FGF12: variants seen among roughly 807,000 people sequenced by gnomAD.
FGF12 encodes the protein fibroblast growth factor 12B.
Under a neutral mutation model 23.6 loss-of-function variants are expected in FGF12, and 14 were observed. The ratio of observed to expected loss-of-function variants is 0.59; its 90% CI spans 0.39 to 0.93. The LOEUF (loss-of-function observed/expected upper bound fraction) is 0.93, where lower values mean the gene tolerates loss of function less well. FGF12 is among the 40% of genes least tolerant of loss of function. The probability of loss-of-function intolerance (pLI) is 0.00; values close to 1 mark genes in which losing one functional copy is unlikely to be tolerated. For synonymous variants in FGF12, 62 were observed against 77.3 expected, an observed-to-expected ratio of 0.80 and a Z score of 1.04; for missense variants, 175 against 217.8, an observed-to-expected ratio of 0.80 and a Z score of 1.24.
At chr3:192,208,720 G>A (rs570226949) in intron 4 of FGF12, among the ~76,000 whole-genome samples, 1 of 152,182 alleles carries the variant, frequency 6.6e-6, no homozygotes, top group African/African-American at 2.4e-5. Context: ...TTTGAGGAAT[G>A]CTTTCAGAGC....
At position 192,636,408 on chromosome 3, in the gene FGF12, G is replaced by A. The variant is rs901803695; in HGVS notation, c.13+90773C>T. On this transcript the variant is annotated intron_variant, in intron 2 of 5. Transcript: ENST00000445105. Reference sequence around the variant, plus strand: ...AGCCCAGACAGAGGACATTTCCATCGCTGCAGAAAGTTCTCTGAACAAATT... The same window carrying A: ...AGCCCAGACAGAGGACATTTCCATCACTGCAGAAAGTTCTCTGAACAAATT... Among the ~76,000 whole-genome samples the A allele has an allele frequency of 4.6e-5, 7 of 152,134 alleles. 1 individual carries two copies. Among genetic ancestry groups the A allele is most frequent in the South Asian group, 4.2e-4 (2 of 4,818 alleles).
chr3:192,161,761 G>T (rs1714897125), intron 5 of FGF12, among the ~76,000 whole-genome samples: 1 of 152,072 alleles, frequency 6.6e-6, no homozygotes, highest in African/African-American at 2.4e-5. Context: ...AGGACAATAT[G>T]CCATTCAAAT....
At chr3:192,463,234 C>T (rs566158492) in intron 2 of FGF12, among the ~76,000 whole-genome samples, 3 of 152,140 alleles carry the variant, frequency 2.0e-5, no homozygotes, top group East Asian at 1.9e-4. Context: ...GCCTGGACAA[C>T]GTGGCAAAAC....
chr3:192,702,985 A>G (rs1402330789), intron 2 of FGF12, among the ~76,000 whole-genome samples: 1 of 152,200 alleles, frequency 6.6e-6, no homozygotes, highest in Non-Finnish European at 1.5e-5. Context: ...GATTACCAAA[A>G]GATGGTATTT....
chr3:192,584,225 A>G (rs1391033239), intron 2 of FGF12, among the ~76,000 whole-genome samples: 2 of 152,108 alleles, frequency 1.3e-5, no homozygotes, highest in East Asian at 3.9e-4. Flanking sequence ...ATCTCTGGGC[A>G]TTTCCTGAGG....
At chr3:192,603,387 A>G (rs536499300) in intron 2 of FGF12, among the ~76,000 whole-genome samples, 3 of 152,340 alleles carry the variant, frequency 2.0e-5, no homozygotes, top group African/African-American at 4.8e-5. Flanking sequence ...CTGTACACCA[A>G]TAATGTTCAA....
At chr3:192,515,755 C>T (rs186144004) in intron 2 of FGF12, among the ~76,000 whole-genome samples, 121 of 152,166 alleles carry the variant, frequency 8.0e-4, no homozygotes, top group African/African-American at 2.6e-3. Flanking sequence ...TTTGCCTCTG[C>T]CAGCCCGCCC....
At chr3:192,340,722 T>C (rs1255190616) in intron 3 of FGF12, among the ~76,000 whole-genome samples, 1 of 152,164 alleles carries the variant, frequency 6.6e-6, no homozygotes, top group African/African-American at 2.4e-5. Flanking sequence ...GTATAGTCTC[T>C]TCAACAAATG....
At chr3:192,293,104 A>C (rs576162948) in intron 4 of FGF12, among the ~76,000 whole-genome samples, 1 of 152,118 alleles carries the variant, frequency 6.6e-6, no homozygotes, top group African/African-American at 2.4e-5. Flanking sequence ...TGATCATATG[A>C]TCTCTCAGAA....
At chr3:192,311,634 A>G (rs939599290) in intron 4 of FGF12, among the ~76,000 whole-genome samples, 1 of 152,148 alleles carries the variant, frequency 6.6e-6, no homozygotes, top group African/African-American at 2.4e-5. Context: ...GTGTAGACAT[A>G]TATTGCAAAT....
chr3:192,291,068 T>C (rs987671018), intron 4 of FGF12, among the ~76,000 whole-genome samples: 1 of 152,152 alleles, frequency 6.6e-6, no homozygotes, highest in Non-Finnish European at 1.5e-5. Context: ...TAACATTAAA[T>C]TACCATGTCT....
intron 4 of FGF12, among the ~76,000 whole-genome samples, chr3:192,174,454 G>A (rs921050652): frequency 1.3e-5 from 2 of 152,186 alleles, no homozygotes; most frequent in East Asian, 3.9e-4. Flanking sequence ...GTCAGAATCT[G>A]AAAATGAGGC....
At chr3:192,655,799 C>T (rs936284603) in intron 2 of FGF12, among the ~76,000 whole-genome samples, 1 of 151,990 alleles carries the variant, frequency 6.6e-6, no homozygotes, top group Non-Finnish European at 1.5e-5. Flanking sequence ...TATCAGGAGT[C>T]TGAGTCATGC....
intron 2 of FGF12, among the ~76,000 whole-genome samples, chr3:192,690,378 A>G (rs1006232482): frequency 3.3e-5 from 5 of 151,986 alleles, no homozygotes; most frequent in African/African-American, 1.2e-4. Flanking sequence ...TATACAATAT[A>G]AAAAGAAATA....
At chr3:192,220,424 C>T (rs1718408995) in intron 4 of FGF12, among the ~76,000 whole-genome samples, 1 of 152,196 alleles carries the variant, frequency 6.6e-6, no homozygotes, top group Admixed American at 6.5e-5. Context: ...TTTCATTCCA[C>T]TTGGATTGAC....
chr3:192,584,920 G>A (rs559111036), intron 2 of FGF12, among the ~76,000 whole-genome samples: 133 of 152,150 alleles, frequency 8.7e-4, no homozygotes, highest in African/African-American at 3.0e-3. Flanking sequence ...GACATCTCTG[G>A]GATATGACAT....
At chr3:192,320,166 C>T (rs182888475) in intron 4 of FGF12, among the ~76,000 whole-genome samples, 9 of 151,990 alleles carry the variant, frequency 5.9e-5, no homozygotes, top group Admixed American at 4.6e-4. Flanking sequence ...ATATTCCATG[C>T]AAATGGAAAC....
At chr3:192,352,044 C>T (rs1560081443) in intron 3 of FGF12, among the ~76,000 whole-genome samples, 2 of 149,720 alleles carry the variant, frequency 1.3e-5, no homozygotes, top group African/African-American at 2.5e-5. Flanking sequence ...ATATTTTTTT[C>T]TTTTTTTTTT....
At chr3:192,252,256 T>C (rs1380633104) in intron 4 of FGF12, among the ~76,000 whole-genome samples, 1 of 150,010 alleles carries the variant, frequency 6.7e-6, no homozygotes, top group East Asian at 2.0e-4. Flanking sequence ...AGCTCAGGAG[T>C]TCCAGACCAG....
Sources: allele counts gnomAD v4.1 joint callset (sites outside exome capture counted in the v4.1 genomes callset), GRCh38; gene constraint gnomAD v4.1.1; transcripts MANE v1.5; gene names NCBI Gene and HGNC (gene_info 2026-07-23, HGNC 2026-07-21).